The following PBX1 variants were observed in gnomAD, a reference collection of about 807,000 sequenced individuals.
The protein encoded by PBX1 is PBX homeobox 1.
Under a neutral mutation model 53.4 loss-of-function variants are expected in PBX1, and 6 were observed. The observed-to-expected ratio is 0.11, with a 90% CI of 0.06 to 0.22. The LOEUF (loss-of-function observed/expected upper bound fraction) is 0.22, where lower values mean the gene tolerates loss of function less well. Ranked by LOEUF, PBX1 falls within the 10% of genes least tolerant of loss-of-function variation. The pLI, the probability that PBX1 is intolerant of heterozygous loss-of-function variation, is 1.00. For missense variants in PBX1, 251 were observed against 551.4 expected, an observed-to-expected ratio of 0.46 and a Z score of 5.46; for synonymous variants, 204 against 212.3, an observed-to-expected ratio of 0.96 and a Z score of 0.34.
At chr1:164,696,164 G>A (rs1220146760) in intron 2 of PBX1, among the ~76,000 whole-genome samples, 1 of 152,152 alleles carries the variant, frequency 6.6e-6, no homozygotes, top group African/African-American at 2.4e-5. Flanking sequence ...GGATGTACTA[G>A]AGTGTAGAGA....
intron 2 of PBX1, among the ~76,000 whole-genome samples, chr1:164,875,988 G>GTATA (rs369277110): frequency 0.036 from 2,054 of 56,904 alleles, 276 homozygotes; most frequent in African/African-American, 0.071. Context: ...TGGTGTATGT[G>GTATA]TATATATATA....
chr1:164,569,563 CAT>C (rs1557865494), intron 2 of PBX1, among the ~76,000 whole-genome samples: 1 of 106,520 alleles, frequency 9.4e-6, no homozygotes. Flanking sequence ...TTTTTCCTTG[CAT>C]TTTTTTTTTT....
intron 2 of PBX1, among the ~76,000 whole-genome samples, chr1:164,869,699 A>G (rs1672304476): frequency 6.6e-6 from 1 of 152,236 alleles, no homozygotes; most frequent in African/African-American, 2.4e-5. Flanking sequence ...AATATTAGGG[A>G]TAAATGCTAA....
intron 4 of PBX1, among the ~76,000 whole-genome samples, chr1:164,806,129 A>G (rs1669333656): frequency 6.6e-6 from 1 of 152,212 alleles, no homozygotes; most frequent in African/African-American, 2.4e-5. Context: ...TAAGTGAGCT[A>G]ATTTAAAGAT....
intron 2 of PBX1, among the ~76,000 whole-genome samples, chr1:164,761,764 G>T (rs370874806): frequency 6.6e-6 from 1 of 152,172 alleles, no homozygotes; most frequent in East Asian, 1.9e-4. Context: ...TATTCTTATG[G>T]TCATTTTAGC....
intron 2 of PBX1, among the ~76,000 whole-genome samples, chr1:164,688,901 T>C (rs1234306920): frequency 6.6e-6 from 1 of 152,220 alleles, no homozygotes; most frequent in East Asian, 1.9e-4. Context: ...ATGTCACTAT[T>C]TGACTAAGGA....
chr1:164,605,200 A>T (rs1240558192), intron 2 of PBX1: 1 of 152,270 alleles, frequency 6.6e-6, no homozygotes, highest in African/African-American at 2.4e-5. Flanking sequence ...GAGAAGACAC[A>T]TAGGCAGAGA....
chr1:164,566,112 AACTGGCTAAGAT>A, intron 2 of PBX1, among the ~76,000 whole-genome samples: 2 of 152,174 alleles, frequency 1.3e-5, no homozygotes, highest in African/African-American at 2.4e-5. Flanking sequence ...TAGATACAAA[AACTGGCTAAGAT>A]GTATTACCAA....
At chr1:164,865,902 G>T (rs1571543137) in intron 2 of PBX1, among the ~76,000 whole-genome samples, 2 of 152,158 alleles carry the variant, frequency 1.3e-5, no homozygotes, top group South Asian at 4.1e-4. Context: ...CATCTTTGCT[G>T]CATTAAAGTA....
intron 2 of PBX1, among the ~76,000 whole-genome samples, chr1:164,640,835 G>C (rs1659097665): frequency 6.6e-6 from 1 of 152,120 alleles, no homozygotes; most frequent in South Asian, 2.1e-4. Context: ...TAGGATTACA[G>C]GCATGAGCCA....
At chr1:164,746,682 A>G (rs1665912607) in intron 2 of PBX1, among the ~76,000 whole-genome samples, 1 of 152,214 alleles carries the variant, frequency 6.6e-6, no homozygotes, top group Non-Finnish European at 1.5e-5. Context: ...TGCTGGGATT[A>G]CAGCCATGAG....
At chr1:164,563,087 A>G (rs1351345014) in intron 1 of PBX1, 151 bp from the exon 2 acceptor site, 2 of 505,534 alleles carry the variant, frequency 4.0e-6, no homozygotes, top group Non-Finnish European at 3.5e-6. Context: ...GGGACTCTGT[A>G]TATTAAGTCA....
chr1:164,873,213 C>G (rs1672424146), intron 2 of PBX1, among the ~76,000 whole-genome samples: 1 of 152,204 alleles, frequency 6.6e-6, no homozygotes, highest in African/African-American at 2.4e-5. Context: ...ATGTTTTGAT[C>G]AGTACAGGAC....
Position 164,848,194 on chromosome 1 carries a change from G to T in PBX1, c.*1518G>T. On this transcript the variant is annotated 3_prime_UTR_variant, in exon 9 of 9. Coordinates refer to ENST00000420696, the MANE Select transcript of PBX1 (RefSeq NM_002585.4). ...TTTTTATTCCCTGGGAACACAGCGT[G>T]TACTAAAAATACATGAGAAAATAGC... 9.5e-7 allele frequency: 1 copy of T among 1,050,012 alleles called. No individual in the cohort carries two copies. 65.0% of individuals were successfully genotyped at this position (1,050,012 alleles called of 1,614,324 possible).
At chr1:164,651,035 A>C (rs1553224279) in intron 2 of PBX1, among the ~76,000 whole-genome samples, 1 of 151,870 alleles carries the variant, frequency 6.6e-6, no homozygotes, top group Non-Finnish European at 1.5e-5. Flanking sequence ...AGCCCAGCCC[A>C]GGCATGTCAG....
intron 2 of PBX1, among the ~76,000 whole-genome samples, chr1:164,715,941 T>TA (rs1664059202): frequency 6.6e-6 from 1 of 152,196 alleles, no homozygotes; most frequent in Non-Finnish European, 1.5e-5. Flanking sequence ...ATTGCCCACT[T>TA]ATACTTCTCA....
chr1:164,851,910 T>C (rs1398533532), downstream of PBX1: 1 of 157,806 alleles, frequency 6.3e-6, no homozygotes, highest in Non-Finnish European at 1.4e-5. Context: ...TTAGTGTAGA[T>C]TATGGTTTAA....
chr1:164,882,013 C>A (rs578113402), intron 2 of PBX1, among the ~76,000 whole-genome samples: 2 of 152,302 alleles, frequency 1.3e-5, no homozygotes, highest in Non-Finnish European at 2.9e-5. Flanking sequence ...AGGTAAAATT[C>A]TCTGTGCTCC....
At chr1:164,598,490 G>A (rs1483192761) in intron 2 of PBX1, among the ~76,000 whole-genome samples, 1 of 152,136 alleles carries the variant, frequency 6.6e-6, no homozygotes, top group Admixed American at 6.5e-5. Context: ...ATGACTACCG[G>A]CACTCTTAGA....
Sources: gnomAD v4.1 joint callset for allele counts (sites outside exome capture counted in the v4.1 genomes callset) on GRCh38, gnomAD v4.1.1 for gene constraint, MANE v1.5 for transcripts, NCBI Gene and HGNC (gene_info 2026-07-23, HGNC 2026-07-21) for gene names.